The following CACNA2D4 variants were observed in gnomAD, a reference collection of about 807,000 sequenced individuals.
CACNA2D4 encodes the protein voltage-dependent calcium channel subunit alpha-2/delta-4.
In CACNA2D4, 157 loss-of-function variants were observed where a neutral mutation model predicts 163.8. That is an observed-to-expected ratio of 0.96 (90% CI 0.84 to 1.09). The LOEUF (loss-of-function observed/expected upper bound fraction) is 1.09, where lower values mean the gene tolerates loss of function less well. CACNA2D4 is among the 50% of genes least tolerant of loss of function. CACNA2D4 has a pLI of 0.00. For missense variants in CACNA2D4, 1,410 were observed against 1,479.9 expected, an observed-to-expected ratio of 0.95 and a Z score of 0.78; for synonymous variants, 598 against 586.9, an observed-to-expected ratio of 1.02 and a Z score of -0.27.
intron 26 of CACNA2D4, among the ~76,000 whole-genome samples, chr12:1,830,452 G>A (rs185761012): frequency 8.1e-4 from 124 of 152,358 alleles, no homozygotes; most frequent in African/African-American, 2.9e-3. Flanking sequence ...CCAGCAGCCT[G>A]GCCATTTTCC....
At chr12:1,859,781 A>C (rs1333805419) in intron 19 of CACNA2D4, among the ~76,000 whole-genome samples, 2 of 152,268 alleles carry the variant, frequency 1.3e-5, no homozygotes, top group Non-Finnish European at 2.9e-5. Flanking sequence ...TCTCAGAGAC[A>C]GGGCTAACCG....
At chr12:1,814,390 C>T (rs1034857588) in intron 26 of CACNA2D4, among the ~76,000 whole-genome samples, 3 of 152,142 alleles carry the variant, frequency 2.0e-5, no homozygotes, top group Admixed American at 6.5e-5. Flanking sequence ...GTGTCCTTTG[C>T]GAAATTTAGG....
In CACNA2D4 at chr12:1,842,173, G is replaced by C. The variant is rs1435074224; in HGVS notation, c.2471-1354C>G. On this transcript the variant is annotated intron_variant, in intron 25 of 37. Transcript: ENST00000382722. ...AGTGCCTGGCTCACCGTGGCTACCT[G>C]GCCCAGCACCTGGTGGGAATGATCA... 2.6e-5 allele frequency among the ~76,000 whole-genome samples: 4 copies of C among 152,190 alleles called. No homozygotes were observed. The East Asian group carries it at 7.7e-4, about 29-fold the overall frequency.
At chr12:1,866,560 A>G (rs1222687837) in intron 18 of CACNA2D4, among the ~76,000 whole-genome samples, 1 of 152,130 alleles carries the variant, frequency 6.6e-6, no homozygotes, top group Non-Finnish European at 1.5e-5. Context: ...TTTCTGAAGC[A>G]TTTTTGCTGC....
chr12:1,882,429 A>G (rs563031840), intron 13 of CACNA2D4, among the ~76,000 whole-genome samples: 1 of 151,196 alleles, frequency 6.6e-6, no homozygotes, highest in East Asian at 2.0e-4. Context: ...CTTTCGTGCA[A>G]GTCATTGCTG....
intron 1 of CACNA2D4, among the ~76,000 whole-genome samples, chr12:1,916,864 G>C (rs1435803755): frequency 1.3e-5 from 2 of 152,176 alleles, no homozygotes; most frequent in Non-Finnish European, 2.9e-5. Flanking sequence ...GTCCTGGGCA[G>C]GCAGATGAGG....
intron 26 of CACNA2D4, chr12:1,827,973 A>C: frequency 2.3e-6 from 1 of 441,362 alleles, no homozygotes; most frequent in Non-Finnish European, 3.9e-6. Context: ...GGAACAGGAG[A>C]GGGCATGAGG....
At chr12:1,819,477 G>T (rs1419506551) in intron 26 of CACNA2D4, among the ~76,000 whole-genome samples, 1 of 152,074 alleles carries the variant, frequency 6.6e-6, no homozygotes, top group Non-Finnish European at 1.5e-5. Flanking sequence ...AACCCCTCCA[G>T]CAAAGCAGGC....
rs1864441727 is a variant in CACNA2D4, at chr12:1,828,226, C to A, written c.2551+12513G>T. 2 of 1,537,642 alleles carry A rather than the reference C, an allele frequency of 1.3e-6. No homozygotes were observed. The highest frequency in any genetic ancestry group is 1.8e-6 in the Non-Finnish European group (2 of 1,141,064). ...GGAGGCAAGTCTCCTGTGAGTACACCCCTGGCCTCGGAGGGGGGTGCGGGT... is the reference window on the plus strand; with the variant it reads ...GGAGGCAAGTCTCCTGTGAGTACACACCTGGCCTCGGAGGGGGGTGCGGGT... On this transcript the variant is annotated intron_variant, in intron 26 of 37. Coordinates refer to ENST00000382722, the MANE Select transcript of CACNA2D4 (RefSeq NM_172364.5). The surrounding 1 kb of genome is among the most constrained non-coding windows in gnomAD (Gnocchi z 4.2).
rs140943745 is a variant in CACNA2D4, at chr12:1,869,644, A to G, written c.1878+4960T>C. ...GTCATGCTGACCTACAATGACTTCA[A>G]GCTCACCATTGGATGCAGACACCAG... On this transcript the variant is annotated intron_variant, in intron 18 of 37. Transcript: ENST00000382722. The surrounding 1 kb of genome is among the most constrained non-coding windows in gnomAD (Gnocchi z 4.7). Among the ~76,000 whole-genome samples the G allele has an allele frequency of 2.7e-3, 412 of 152,294 alleles. No individual in the cohort carries two copies. The highest frequency in any genetic ancestry group is 9.6e-3 in the African/African-American group (399 of 41,568).
At chr12:1,909,778 G>C in intron 4 of CACNA2D4, 128 bp downstream of exon 4, 1 of 733,428 alleles carries the variant, frequency 1.4e-6, no homozygotes, top group Non-Finnish European at 2.3e-6. Flanking sequence ...TGCCTGTGAG[G>C]GGTGAGCAGT....
intron 18 of CACNA2D4, among the ~76,000 whole-genome samples, chr12:1,862,402 C>T (rs1398205920): frequency 6.6e-6 from 1 of 152,144 alleles, no homozygotes; most frequent in Non-Finnish European, 1.5e-5. Flanking sequence ...TAAATTTTAG[C>T]CACTATAGAG....
At chr12:1,842,788 G>A (rs1453945296) in intron 25 of CACNA2D4, among the ~76,000 whole-genome samples, 1 of 152,186 alleles carries the variant, frequency 6.6e-6, no homozygotes, top group East Asian at 1.9e-4. Context: ...CCAATGTGCT[G>A]CTATCGAGGG....
intron 20 of CACNA2D4, among the ~76,000 whole-genome samples, chr12:1,857,600 G>A (rs1865428535): frequency 6.6e-6 from 1 of 152,118 alleles, no homozygotes; most frequent in South Asian, 2.1e-4. Flanking sequence ...CTCTTCCAGG[G>A]GTTCCTGGGA....
chr12:1,801,719 A>G, intron 29 of CACNA2D4, 75 bp from the exon 30 acceptor site: 1 of 1,034,710 alleles, frequency 9.7e-7, no homozygotes, highest in Non-Finnish European at 1.4e-6. Flanking sequence ...GTCCAGCACT[A>G]TTTATTCAGC....
intron 13 of CACNA2D4, among the ~76,000 whole-genome samples, chr12:1,882,401 C>T (rs1480980545): frequency 6.6e-6 from 1 of 152,216 alleles, no homozygotes; most frequent in Admixed American, 6.5e-5. Flanking sequence ...ATGTGAAGCT[C>T]TCCCTTTGAT....
At chr12:1,810,486 G>T in intron 28 of CACNA2D4, 57 bp downstream of exon 28, 1 of 1,534,938 alleles carries the variant, frequency 6.5e-7, no homozygotes, top group South Asian at 1.2e-5. Context: ...CTGCCAGGAG[G>T]ACCGGGCGGA....
rs1863306292 is a variant in CACNA2D4 at position 1,801,096 on chromosome 12, C to T, written c.2815G>A (p.Ala939Thr). The T allele has an allele frequency of 6.2e-7, 1 of 1,613,860 alleles. No homozygotes were observed. Among genetic ancestry groups the T allele is most frequent in the East Asian group, 2.2e-5 (1 of 44,868 alleles). Residue 939 changes from alanine (A) to threonine (T), a missense_variant, in exon 31 of 38, where the codon GCC becomes ACC. Physicochemically the swap from Ala to Thr is moderately conservative, Grantham distance 58. Coordinates refer to ENST00000382722, the MANE Select transcript of CACNA2D4 (RefSeq NM_172364.5). ...FSQVTMYDYQ[A>T]MCKPSSHHHS... ...TGGTGACTCGAGGGTTTGCACATGG[C>T]CTGATAGTCATACATAGTCACTCTG...
rs557534120 is a variant in CACNA2D4, at chr12:1,908,233, G to A, written c.487-196C>T. Among the ~76,000 whole-genome samples the A allele has an allele frequency of 2.0e-5, 3 of 152,370 alleles. No individual in the cohort carries two copies. The South Asian group carries it at 6.2e-4, about 32-fold the overall frequency. On this transcript the variant is annotated intron_variant, in intron 4 of 37. Coordinates refer to ENST00000382722, the MANE Select transcript of CACNA2D4 (RefSeq NM_172364.5). ...ACAAAAATATCCAGGAGGCCGGCGC[G>A]GAGAGGCGTGAGGCCGACGTTTGAT...
Sources: allele counts gnomAD v4.1 joint callset (sites outside exome capture counted in the v4.1 genomes callset), GRCh38; gene constraint gnomAD v4.1.1; non-coding constraint Gnocchi (gnomAD v3.1); transcripts MANE v1.5; gene names NCBI Gene and HGNC (gene_info 2026-07-23, HGNC 2026-07-21).